Variants in SGSH observed in about 807,000 individuals in gnomAD.
SGSH encodes heparan sulfate sulfatase.
In SGSH, 48 loss-of-function variants were observed where a neutral mutation model predicts 51.0. That is an observed-to-expected ratio of 0.94 (90% CI 0.75 to 1.20). The LOEUF (loss-of-function observed/expected upper bound fraction) is 1.20. Ranked by LOEUF, SGSH falls within the 50% of genes most tolerant of loss-of-function variation. SGSH has a pLI of 0.00. For synonymous variants in SGSH, 321 were observed against 313.4 expected, an observed-to-expected ratio of 1.02 and a Z score of -0.26; for missense variants, 662 against 717.8, an observed-to-expected ratio of 0.92 and a Z score of 0.89.
chr17:80,214,360 C>A (rs570500924), intron 4 of SGSH, 32 bp from the exon 5 acceptor site: 1 of 1,603,356 alleles, frequency 6.2e-7, no homozygotes, highest in African/African-American at 1.3e-5. Flanking sequence ...GCCAAGGCTG[C>A]GGGGCCACTG....
intron 1 of SGSH, 128 bp from the exon 2 acceptor site, chr17:80,217,320 T>A: frequency 9.3e-7 from 1 of 1,078,496 alleles, no homozygotes; most frequent in Non-Finnish European, 1.4e-6. Flanking sequence ...ACTGGCTCAG[T>A]GTGAACACTC....
Position 80,209,629 on chromosome 17 carries a change from C to A in SGSH, c.*823G>T. On this transcript the variant is annotated 3_prime_UTR_variant, in exon 8 of 8. Transcript: ENST00000326317. Reference sequence around the variant, plus strand: ...GCAGAGGATGGGCATTGCCACCCAGCAACGCCAGTGTCACCGAAGAATTAA... The same window carrying A: ...GCAGAGGATGGGCATTGCCACCCAGAAACGCCAGTGTCACCGAAGAATTAA... The A allele has an allele frequency of 1.0e-6, 1 of 960,458 alleles. No individual in the cohort carries two copies. Among genetic ancestry groups the A allele is most frequent in the Non-Finnish European group, 1.2e-6 (1 of 807,214 alleles). 59.5% of individuals were successfully genotyped at this position (960,458 alleles called of 1,614,324 possible).
In SGSH at chr17:80,214,457, C is replaced by T. The variant is rs6565648; in HGVS notation, c.507-129G>A. ...GACCCTCACTGCCTCAGTTTCCCCA[C>T]GTCCCTTCTCCCTCTGACCAGGCTA... On this transcript the variant is annotated intron_variant, in intron 4 of 7. Transcript: ENST00000326317. The T allele has an allele frequency of 0.35, 452,500 of 1,301,550 alleles. 81,270 individuals are homozygous for T. Among genetic ancestry groups the T allele is most frequent in the Admixed American group, 0.51 (23,894 of 46,812 alleles). 80.6% of individuals were successfully genotyped at this position (1,301,550 alleles called of 1,614,324 possible).
chr17:80,202,023 C>G (rs1353032355), downstream of SGSH: 7 of 1,247,280 alleles, frequency 5.6e-6, no homozygotes, highest in Non-Finnish European at 6.7e-6. Flanking sequence ...AGGAGGCCCC[C>G]AAGCCAGCTG....
At chr17:80,208,315 G>GGTGGT, downstream of SGSH, 1 of 1,605,982 alleles carries the variant, frequency 6.2e-7, no homozygotes, top group Middle Eastern at 1.7e-4. Flanking sequence ...AGCAGAAGAA[G>GGTGGT]GTGGTGTGGA....
intron 2 of SGSH, 130 bp from the exon 3 acceptor site, chr17:80,215,268 C>T (rs904138550): frequency 1.4e-6 from 1 of 704,724 alleles, no homozygotes; most frequent in Non-Finnish European, 2.6e-6. Flanking sequence ...GAGTGGCCAG[C>T]ACCCAGAGAC....
intron 4 of SGSH, 120 bp from the exon 5 acceptor site, chr17:80,214,448 G>A (rs947489812): frequency 1.5e-6 from 2 of 1,331,536 alleles, no homozygotes; most frequent in Admixed American, 2.1e-5. Context: ...CACTGCCTCA[G>A]TTTCCCCACG....
intron 7 of SGSH, chr17:80,211,429 C>G (rs1202279241): frequency 4.9e-5 from 15 of 307,208 alleles, no homozygotes; most frequent in Non-Finnish European, 5.7e-5. Context: ...GGGCCCACCC[C>G]ACCTGGAGGC....
chr17:80,205,256 CTCCTCCCCTTCCTCCCTCCT>C (rs749196689), downstream of SGSH: 39 of 1,488,866 alleles, frequency 2.6e-5, no homozygotes, highest in South Asian at 3.7e-5. Context: ...CCCTCCCTCC[CTCCTCCCCTTCCTCCCTCCT>C]TCCTCCCCTT....
downstream of SGSH, chr17:80,205,604 G>A (rs1317540618): frequency 6.4e-7 from 1 of 1,569,772 alleles, no homozygotes; most frequent in Non-Finnish European, 8.6e-7. Flanking sequence ...AGGTGTCCGG[G>A]GGCCGCTGCT....
intron 3 of SGSH, 61 bp from the exon 4 acceptor site, chr17:80,214,826 T>G: frequency 6.3e-7 from 1 of 1,577,300 alleles, no homozygotes. Context: ...TCTGCTCCCT[T>G]CTCTGCCCCT....
intron 1 of SGSH, among the ~76,000 whole-genome samples, chr17:80,218,899 G>A (rs2042002858): frequency 6.6e-6 from 1 of 152,116 alleles, no homozygotes; most frequent in African/African-American, 2.4e-5. Flanking sequence ...AGTGTTTCAT[G>A]CCCGTAAGCC....
At chr17:80,205,123 T>C, downstream of SGSH, 1 of 1,613,748 alleles carries the variant, frequency 6.2e-7, no homozygotes, top group Non-Finnish European at 8.5e-7. Context: ...GGCCCCGGCC[T>C]GTGCTCCTCG....
downstream of SGSH, chr17:80,203,947 G>A: frequency 7.5e-7 from 1 of 1,342,076 alleles, no homozygotes; most frequent in Non-Finnish European, 1.0e-6. The surrounding 1 kb of genome is among the most constrained non-coding windows in gnomAD (Gnocchi z 4.6). Context: ...GCTCGGTGCT[G>A]GCAGGGTGGC....
chr17:80,202,202 C>A, downstream of SGSH: 1 of 1,613,860 alleles, frequency 6.2e-7, no homozygotes, highest in South Asian at 1.1e-5. Context: ...TACTCCAGGA[C>A]CTGGAGGCCA....
intron 2 of SGSH, among the ~76,000 whole-genome samples, chr17:80,215,954 C>T (rs1431214874): frequency 6.6e-6 from 1 of 152,148 alleles, no homozygotes; most frequent in Non-Finnish European, 1.5e-5. Context: ...GAATATGAGT[C>T]AGCCCTGAAG....
At chr17:80,214,548 C>T (rs987312444) in intron 4 of SGSH, 67 bp downstream of exon 4, 38 of 1,536,110 alleles carry the variant, frequency 2.5e-5, no homozygotes, top group African/African-American at 5.5e-5. Context: ...TGCATCCCGC[C>T]GGAAGACTCC....
chr17:80,210,565 C>G lies in SGSH; in HGVS notation c.1396G>C (p.Asp466His), dbSNP rs1357003675. The change falls in exon 8 of 8, where the codon GAC becomes CAC. Residue 466 changes from aspartate to histidine, a missense_variant. Coordinates refer to ENST00000326317, the MANE Select transcript of SGSH (RefSeq NM_000199.5). ...TCCCACTGCCACTTGGCCAGCTGGT[C>G]CCGAAGCATCTCCAGAAGCTGAGCA... ...RFAQLLEMLRDQLAKWQWETH... is the reference protein window; with the variant it reads ...RFAQLLEMLRHQLAKWQWETH... 6.2e-6 allele frequency: 10 copies of G among 1,612,850 alleles called. No homozygotes were observed. The highest frequency in any genetic ancestry group is 8.5e-6 in the Non-Finnish European group (10 of 1,179,882).
At position 80,210,461 on chromosome 17, in the gene SGSH, A is replaced by G. The variant is rs771923742; in HGVS notation, c.1500T>C (p.Asn500=). 15 of 1,594,152 alleles carry G rather than the reference A, an allele frequency of 9.4e-6. No individual in the cohort carries two copies. The highest frequency in any genetic ancestry group is 1.2e-5 in the Non-Finnish European group (14 of 1,175,268). ...AGGCCTCCTGGGATGGTCACAGCTCATTGTGGAGGGGCTGGCACTGGGGAG... is the reference window on the plus strand; with the variant it reads ...AGGCCTCCTGGGATGGTCACAGCTCGTTGTGGAGGGGCTGGCACTGGGGAG... ...KLSPQCQPLH[N]EL is the part of the protein sequence containing the mutation. The change falls in exon 8 of 8, where the codon AAT becomes AAC. Residue 500 remains asparagine (N), a synonymous_variant. Transcript: ENST00000326317.
Sources: allele counts gnomAD v4.1 joint callset (sites outside exome capture counted in the v4.1 genomes callset), GRCh38; gene constraint gnomAD v4.1.1; non-coding constraint Gnocchi (gnomAD v3.1); transcripts MANE v1.5; gene names NCBI Gene and HGNC (gene_info 2026-07-23, HGNC 2026-07-21).